Variants in CEP164 observed in about 807,000 individuals in gnomAD.
CEP164 encodes the protein centrosomal protein 164, also known as centrosomal protein of 164 kDa.
In CEP164, 162 loss-of-function variants were observed where a neutral mutation model predicts 182.7. The ratio of observed to expected loss-of-function variants is 0.89; its 90% CI spans 0.78 to 1.01. The LOEUF (loss-of-function observed/expected upper bound fraction) is 1.01, where lower values mean the gene tolerates loss of function less well. CEP164 is among the 50% of genes least tolerant of loss of function. The probability of loss-of-function intolerance (pLI) is 0.00; values close to 1 mark genes in which losing one functional copy is unlikely to be tolerated. For missense variants in CEP164, 1,735 were observed against 1,790.4 expected, an observed-to-expected ratio of 0.97 and a Z score of 0.56; for synonymous variants, 661 against 690.0, an observed-to-expected ratio of 0.96 and a Z score of 0.66.
chr11:117,366,030 C>T (rs1458171287), intron 8 of CEP164, among the ~76,000 whole-genome samples: 1 of 152,046 alleles, frequency 6.6e-6, no homozygotes, highest in Non-Finnish European at 1.5e-5. Flanking sequence ...GTGTTAAATA[C>T]ACCTCCTACC....
At chr11:117,398,008 G>C (rs2045699277) in intron 27 of CEP164, among the ~76,000 whole-genome samples, 1 of 152,126 alleles carries the variant, frequency 6.6e-6, no homozygotes, top group South Asian at 2.1e-4. Context: ...CTGAGACAAG[G>C]CAAGTCCCTT....
At position 117,394,146 on chromosome 11, in the gene CEP164, G is replaced by A. The variant is rs1428753542; in HGVS notation, c.2617-204G>A. ...CTGTCGTGGTGTCTGACCAGCCTCT[G>A]CTTCAGCTCTAGAGGGCTGCAGGCT... On this transcript the variant is annotated intron_variant, in intron 20 of 32. Coordinates refer to ENST00000278935, the MANE Select transcript of CEP164 (RefSeq NM_014956.5). This position sits in a 1 kb window ranked among gnomAD's most constrained non-coding sequence, Gnocchi z 4.0. Among the ~76,000 whole-genome samples the A allele has an allele frequency of 6.6e-6, 1 of 152,270 alleles. No homozygotes were observed. Among genetic ancestry groups the A allele is most frequent in the African/African-American group, 2.4e-5 (1 of 41,470 alleles).
intron 27 of CEP164, 125 bp downstream of exon 27, chr11:117,397,438 C>G: frequency 1.2e-6 from 1 of 805,192 alleles, no homozygotes; most frequent in Non-Finnish European, 2.0e-6. Context: ...GCCACCTTGG[C>G]CCTGGGTCAC....
chr11:117,375,837 T>G (rs756704244), intron 11 of CEP164, 46 bp downstream of exon 11: 7 of 1,577,660 alleles, frequency 4.4e-6, no homozygotes, highest in African/African-American at 4.0e-5. Context: ...TCATTTTCCC[T>G]CACAACTTTT....
intron 17 of CEP164, 95 bp downstream of exon 17, chr11:117,391,310 G>A (rs1393920224): frequency 1.6e-6 from 2 of 1,246,940 alleles, no homozygotes; most frequent in African/African-American, 3.0e-5. Context: ...CAAGTCTCGG[G>A]TGGGCGTGCA....
In CEP164 at chr11:117,343,504, C is replaced by T. The variant is rs563472511; in HGVS notation, c.83-662C>T. Among the ~76,000 whole-genome samples, 6 of 152,280 alleles carry T rather than the reference C, an allele frequency of 3.9e-5. No homozygotes were observed. In the South Asian group the frequency reaches 1.2e-3, roughly 32 times the overall value. ...GCTTTTGCACCAAGCTTTTGCAAAT[C>T]TTGGGAGAGCTTACTACCTTCTGGT... is the stretch of plus-strand genomic sequence containing the variant. On this transcript the variant is annotated intron_variant, in intron 3 of 32. Transcript: ENST00000278935.
Position 117,410,899 on chromosome 11 carries a change from G to A in CEP164, c.4163+5G>A, listed in dbSNP as rs1284470968. ...GCTGGGTTACATGTCTGCCAGGTGA[G>A]CCTCCCTGGGGGCTGGTTGGGGTGG... On this transcript the variant is annotated splice_donor_5th_base_variant and intron_variant, in intron 31 of 32. Transcript: ENST00000278935. The A allele has an allele frequency of 1.9e-6, 3 of 1,612,256 alleles. No homozygotes were observed. The highest frequency in any genetic ancestry group is 1.1e-5 in the South Asian group (1 of 90,524).
chr11:117,407,457 CAAAAAAAAAA>C (rs1232486465), intron 27 of CEP164, among the ~76,000 whole-genome samples: 1 of 69,010 alleles, frequency 1.4e-5, no homozygotes, highest in East Asian at 4.3e-4. Context: ...TCTGTCTCTA[CAAAAAAAAAA>C]AAAAAAAAAA....
At chr11:117,338,432 G>A (rs1431442846) in intron 2 of CEP164, 134 bp from the exon 3 acceptor site, 6 of 644,580 alleles carry the variant, frequency 9.3e-6, no homozygotes, top group Admixed American at 2.7e-5. Context: ...TATACCTGGC[G>A]CCTGGGAAGG....
intron 1 of CEP164, among the ~76,000 whole-genome samples, chr11:117,322,723 T>A (rs1374705516): frequency 6.7e-6 from 1 of 149,850 alleles, no homozygotes; most frequent in Non-Finnish European, 1.5e-5. Flanking sequence ...GCCTGGCATA[T>A]TTTGTGTTTA....
chr11:117,334,964 T>C (rs2036834768), intron 1 of CEP164, among the ~76,000 whole-genome samples: 1 of 152,144 alleles, frequency 6.6e-6, no homozygotes, highest in Non-Finnish European at 1.5e-5. Flanking sequence ...TAGTACCTCG[T>C]ATAGAGCACA....
chr11:117,392,647 C>A lies in CEP164; in HGVS notation c.2493+20C>A. 6.2e-7 allele frequency: 1 copy of A among 1,611,448 alleles called. No homozygotes were observed. ...CACGAGGTGAGTGCTGCTCTGTCTT[C>A]CACAGTCGTGTGCGCCTGTTGTGGA... is the stretch of plus-strand genomic sequence containing the variant. On this transcript the variant is annotated intron_variant, in intron 19 of 32. Transcript: ENST00000278935.
At position 117,410,936 on chromosome 11, in the gene CEP164, C is replaced by A; in HGVS notation, c.4163+42C>A. ...GCTGGTTGGGGTGGAACGTCATAGT[C>A]GAGCTGCTCACTGTGCCTCCCTGGG... On this transcript the variant is annotated intron_variant, in intron 31 of 32. Coordinates refer to ENST00000278935, the MANE Select transcript of CEP164 (RefSeq NM_014956.5). The A allele has an allele frequency of 1.9e-6, 3 of 1,573,064 alleles. No individual in the cohort carries two copies. In the South Asian group the frequency reaches 3.4e-5, roughly 18 times the overall value.
chr11:117,393,918 A>G (rs962304400), intron 20 of CEP164, among the ~76,000 whole-genome samples: 2 of 152,252 alleles, frequency 1.3e-5, no homozygotes, highest in East Asian at 1.9e-4. Context: ...CTACTGCTCC[A>G]GTAACTGGAA....
chr11:117,341,367 AAC>A (rs2038091317), intron 3 of CEP164, among the ~76,000 whole-genome samples: 1 of 152,034 alleles, frequency 6.6e-6, no homozygotes, highest in Non-Finnish European at 1.5e-5. Context: ...CAGTATACTC[AAC>A]ATAACACCCT....
At chr11:117,329,726 G>C (rs2134631463) in intron 1 of CEP164, among the ~76,000 whole-genome samples, 1 of 152,092 alleles carries the variant, frequency 6.6e-6, no homozygotes, top group South Asian at 2.1e-4. Flanking sequence ...TATTTTGGTA[G>C]AGACGGGGTT....
intron 27 of CEP164, among the ~76,000 whole-genome samples, chr11:117,407,457 C>CAAAAAAAAA (rs1232486465): frequency 1.2e-4 from 8 of 68,912 alleles, no homozygotes; most frequent in East Asian, 8.5e-4. Flanking sequence ...TCTGTCTCTA[C>CAAAAAAAAA]AAAAAAAAAA....
rs536728673 is a variant in CEP164, at chr11:117,411,750, C to T, written c.4164-45C>T. On this transcript the variant is annotated intron_variant, in intron 31 of 32. Coordinates refer to ENST00000278935, the MANE Select transcript of CEP164 (RefSeq NM_014956.5). The surrounding 1 kb of genome is among the most constrained non-coding windows in gnomAD (Gnocchi z 4.4). ...GCCTCTGTGCATCCTCTGTCACTTCCGCGCCTCCTCTCTCCCCTCGCCATG... is the reference window on the plus strand; with the variant it reads ...GCCTCTGTGCATCCTCTGTCACTTCTGCGCCTCCTCTCTCCCCTCGCCATG... 11 of 1,610,802 alleles carry T rather than the reference C, an allele frequency of 6.8e-6. No individual in the cohort carries two copies. The highest frequency in any genetic ancestry group is 5.0e-5 in the Admixed American group (3 of 59,864).
At chr11:117,407,736 A>G (rs2046876815) in intron 27 of CEP164, among the ~76,000 whole-genome samples, 189 bp from the exon 28 acceptor site, 1 of 152,174 alleles carries the variant, frequency 6.6e-6, no homozygotes, top group African/African-American at 2.4e-5. Context: ...GGTGTTAAGC[A>G]TGTAACATAG....
Sources: allele counts gnomAD v4.1 joint callset (sites outside exome capture counted in the v4.1 genomes callset), GRCh38; gene constraint gnomAD v4.1.1; non-coding constraint Gnocchi (gnomAD v3.1); transcripts MANE v1.5; gene names NCBI Gene and HGNC (gene_info 2026-07-23, HGNC 2026-07-21).